Variants in SPATA13 observed in about 807,000 individuals in gnomAD.
SPATA13 encodes spermatogenesis-associated protein 13.
SPATA13 carries 50 observed loss-of-function variants against 104.0 expected under a neutral mutation model. The ratio of observed to expected loss-of-function variants is 0.48; its 90% CI spans 0.38 to 0.61. The LOEUF (loss-of-function observed/expected upper bound fraction) is 0.61, where lower values mean the gene tolerates loss of function less well. Ranked by LOEUF, SPATA13 falls within the 20% of genes least tolerant of loss-of-function variation. The pLI is 0.00. For missense variants in SPATA13, 1,524 were observed against 1,690.6 expected, an observed-to-expected ratio of 0.90 and a Z score of 1.73; for synonymous variants, 606 against 667.5, an observed-to-expected ratio of 0.91 and a Z score of 1.42.
chr13:24,038,689 C>G (rs1167303773), intron 3 of SPATA13, among the ~76,000 whole-genome samples: 3 of 152,134 alleles, frequency 2.0e-5, no homozygotes, highest in African/African-American at 7.2e-5. Context: ...GTTGGCCCCT[C>G]GCATCCAAAC....
intron 2 of SPATA13, among the ~76,000 whole-genome samples, chr13:24,012,663 C>T (rs1418649271): frequency 1.3e-5 from 2 of 152,272 alleles, no homozygotes; most frequent in Non-Finnish European, 2.9e-5. Context: ...CGCAGCCAAC[C>T]CCCAAGTGTG....
chr13:24,069,055 G>A (rs1044040114), intron 3 of SPATA13, among the ~76,000 whole-genome samples: 3 of 152,038 alleles, frequency 2.0e-5, no homozygotes, highest in Non-Finnish European at 2.9e-5. Context: ...GTCAGGTAGC[G>A]TATACCTCCA....
chr13:23,980,956 T>TTATTTA, intron 1 of SPATA13, among the ~76,000 whole-genome samples: 1 of 152,030 alleles, frequency 6.6e-6, no homozygotes, highest in Non-Finnish European at 1.5e-5. Context: ...CTGATGGGAG[T>TTATTTA]TCCTTAATTA....
rs1230945867 is a variant in SPATA13, at chr13:24,161,117, C to T, written c.-112+185C>T. ...CGGGTGCTCACCTGTTAGGTCCGTGCGCCCGCTCCCTGCCCGGCGGTGGCT... is the reference window on the plus strand; with the variant it reads ...CGGGTGCTCACCTGTTAGGTCCGTGTGCCCGCTCCCTGCCCGGCGGTGGCT... On this transcript the variant is annotated intron_variant, in intron 1 of 12. Transcript: ENST00000382108. This position sits in a 1 kb window ranked among gnomAD's most constrained non-coding sequence, Gnocchi z 4.5. Among the ~76,000 whole-genome samples the T allele has an allele frequency of 6.6e-6, 1 of 152,240 alleles. No individual in the cohort carries two copies. The highest frequency in any genetic ancestry group is 1.5e-5 in the Non-Finnish European group (1 of 68,038).
intron 3 of SPATA13, among the ~76,000 whole-genome samples, chr13:24,020,828 G>C (rs572988421): frequency 5.3e-5 from 8 of 152,274 alleles, no homozygotes; most frequent in African/African-American, 1.9e-4. Context: ...TGGATCACAA[G>C]GTCACGAGTT....
chr13:24,288,868 C>A, intron 7 of SPATA13, 131 bp from the exon 8 acceptor site: 1 of 741,404 alleles, frequency 1.3e-6, no homozygotes, highest in Non-Finnish European at 2.1e-6. Flanking sequence ...ACGATGACCT[C>A]ATCAGAGACT....
At chr13:24,296,031 C>G (rs1876759656) in intron 10 of SPATA13, among the ~76,000 whole-genome samples, 1 of 152,128 alleles carries the variant, frequency 6.6e-6, no homozygotes, top group Non-Finnish European at 1.5e-5. Flanking sequence ...TGTTTTTAGA[C>G]CAAGCTACAT....
intron 3 of SPATA13, among the ~76,000 whole-genome samples, chr13:24,106,626 C>T (rs1483566911): frequency 6.6e-6 from 1 of 152,152 alleles, no homozygotes; most frequent in Non-Finnish European, 1.5e-5. Context: ...ACTGACAATT[C>T]GGTGATTGTT....
chr13:23,994,981 T>C (rs1421807050), intron 2 of SPATA13, among the ~76,000 whole-genome samples: 2 of 152,298 alleles, frequency 1.3e-5, no homozygotes, highest in African/African-American at 2.4e-5. Flanking sequence ...CATCTGGCAG[T>C]GTCTGGAGAT....
At chr13:24,139,807 T>C (rs548119301) in intron 3 of SPATA13, among the ~76,000 whole-genome samples, 51 of 152,230 alleles carry the variant, frequency 3.4e-4, no homozygotes, top group African/African-American at 9.4e-4. Flanking sequence ...GTGGCTCACG[T>C]CTGTAATCCC....
chr13:24,251,862 G>T lies in SPATA13; in HGVS notation c.2164G>T (p.Val722Phe), dbSNP rs146456606. 41 of 1,613,080 alleles carry T rather than the reference G, an allele frequency of 2.5e-5. No individual in the cohort carries two copies. Among genetic ancestry groups the T allele is most frequent in the Non-Finnish European group, 3.3e-5 (39 of 1,179,428 alleles). ...GRRRQMRASNVSSDGGTEPSA... is the reference protein window; with the variant it reads ...GRRRQMRASNFSSDGGTEPSA... ...CCGGCGGCAGATGAGAGCATCCAAC[G>T]GTGAGTCTCAGAGTCCCTTTCCTTT... The change falls in exon 4 of 13, where the codon GTT becomes TTT. Residue 722 changes from valine to phenylalanine, a missense_variant and splice_region_variant. Physicochemically the swap from Val to Phe is conservative, Grantham distance 50 (BLOSUM62 -1). Around this residue, in one of 2 missense-constraint regions of SPATA13, gnomAD observed 1,089 missense variants for 1,135.9 expected, o/e 0.96. Coordinates refer to ENST00000382108, the MANE Select transcript of SPATA13 (RefSeq NM_001166271.3).
intron 3 of SPATA13, among the ~76,000 whole-genome samples, chr13:24,104,323 G>C (rs944278603): frequency 6.6e-6 from 1 of 151,828 alleles, no homozygotes; most frequent in African/African-American, 2.4e-5. Context: ...TTAATTTAAA[G>C]GGATCCTGGT....
Position 24,071,469 on chromosome 13 carries a change from A to T in SPATA13, c.-112+53768A>T, listed in dbSNP as rs191531940. On this transcript the variant is annotated intron_variant, in intron 3 of 14. Coordinates refer to the SPATA13 transcript ENST00000424834. ...ATAACAACTCTGTGAAGTGGGTCTG[A>T]TTGTAATTTACAGATGAGAAGGCCA... Among the ~76,000 whole-genome samples, 15 of 152,238 alleles carry T rather than the reference A, an allele frequency of 9.9e-5. No homozygotes were observed. In the East Asian group the frequency reaches 2.1e-3, roughly 22 times the overall value.
chr13:24,087,796 A>T (rs1377913399), intron 3 of SPATA13, among the ~76,000 whole-genome samples: 1 of 152,124 alleles, frequency 6.6e-6, no homozygotes, highest in Non-Finnish European at 1.5e-5. Context: ...CTGGGTGGCC[A>T]CGGGGCTCCT....
At chr13:24,044,052 C>A (rs1878035439) in intron 3 of SPATA13, among the ~76,000 whole-genome samples, 1 of 152,066 alleles carries the variant, frequency 6.6e-6, no homozygotes, top group Non-Finnish European at 1.5e-5. Context: ...AGGGAAAGTA[C>A]TAATTCTGTT....
intron 1 of SPATA13, among the ~76,000 whole-genome samples, chr13:24,195,358 T>C (rs1163739395): frequency 6.6e-6 from 1 of 152,232 alleles, no homozygotes; most frequent in Non-Finnish European, 1.5e-5. Context: ...CATCGGTTGA[T>C]GGGTATTTGG....
At chr13:24,300,992 T>A (rs1287499050) in intron 12 of SPATA13, among the ~76,000 whole-genome samples, 2 of 152,082 alleles carry the variant, frequency 1.3e-5, no homozygotes, top group Admixed American at 1.3e-4. Context: ...GGGCGGTGAT[T>A]CCCTAATCTC....
At chr13:24,103,844 T>C (rs1593331320) in intron 3 of SPATA13, among the ~76,000 whole-genome samples, 1 of 152,116 alleles carries the variant, frequency 6.6e-6, no homozygotes, top group Non-Finnish European at 1.5e-5. Context: ...CTTTCAGAGT[T>C]ACAGGGTGGT....
chr13:24,160,587 A>G (rs1882426861), upstream of SPATA13: 6 of 314,248 alleles, frequency 1.9e-5, no homozygotes, highest in Admixed American at 1.6e-4. Flanking sequence ...TGTGGTTGGT[A>G]GTGTGGGGGC....
Sources: gnomAD v4.1 joint callset for allele counts (sites outside exome capture counted in the v4.1 genomes callset) on GRCh38, gnomAD v4.1.1 for gene constraint, gnomAD v4.1.1 regional missense constraint, Gnocchi (gnomAD v3.1) non-coding constraint, MANE v1.5 for transcripts, NCBI Gene and HGNC (gene_info 2026-07-23, HGNC 2026-07-21) for gene names.